RBFOX1: variants seen among roughly 807,000 people sequenced by gnomAD.
The protein encoded by RBFOX1 is RNA binding fox-1 homolog 1.
A neutral mutation model predicts 57.7 loss-of-function variants in RBFOX1; 8 were observed. That is an observed-to-expected ratio of 0.14 (90% CI 0.08 to 0.25). The LOEUF is 0.25. RBFOX1 is among the 10% of genes least tolerant of loss of function. RBFOX1 has a pLI of 1.00. For missense variants in RBFOX1, 611 were observed against 548.5 expected, an observed-to-expected ratio of 1.11 and a Z score of -1.14; for synonymous variants, 326 against 222.4, an observed-to-expected ratio of 1.47 and a Z score of -4.15.
At chr16:6,682,072 C>A (rs559048992) in intron 3 of RBFOX1, among the ~76,000 whole-genome samples, 1 of 152,132 alleles carries the variant, frequency 6.6e-6, no homozygotes, top group Non-Finnish European at 1.5e-5. Flanking sequence ...GTTTGTTTTG[C>A]CCAATAGAAC....
At chr16:5,379,397 A>C (rs2066073552) in intron 1 of RBFOX1, among the ~76,000 whole-genome samples, 1 of 150,012 alleles carries the variant, frequency 6.7e-6, no homozygotes, top group Admixed American at 6.6e-5. Flanking sequence ...TGTGAGTTAC[A>C]CTTGGGCCAT....
At chr16:7,332,985 A>G (rs1445465132) in intron 4 of RBFOX1, 4 of 1,613,310 alleles carry the variant, frequency 2.5e-6, no homozygotes, top group Non-Finnish European at 8.5e-7. Context: ...AGAGGGAATA[A>G]TAACTCTACG....
intron 2 of RBFOX1, among the ~76,000 whole-genome samples, chr16:6,416,319 A>C (rs1017410569): frequency 1.3e-5 from 2 of 152,218 alleles, no homozygotes; most frequent in Admixed American, 1.3e-4. Flanking sequence ...CCGACAGTTT[A>C]GATAGCTCAA....
At chr16:7,416,298 A>G (rs903283917) in intron 4 of RBFOX1, among the ~76,000 whole-genome samples, 5 of 152,212 alleles carry the variant, frequency 3.3e-5, no homozygotes, top group Admixed American at 6.5e-5. Flanking sequence ...CGGAATCCAG[A>G]GACTCTGAGC....
At chr16:7,652,549 A>T (rs2065296505) in intron 11 of RBFOX1, among the ~76,000 whole-genome samples, 1 of 152,214 alleles carries the variant, frequency 6.6e-6, no homozygotes, top group Non-Finnish European at 1.5e-5. Flanking sequence ...CGGGAATTAT[A>T]GGCATGCGCC....
intron 1 of RBFOX1, among the ~76,000 whole-genome samples, chr16:5,308,677 T>A (rs1359370339): frequency 6.6e-6 from 1 of 152,188 alleles, no homozygotes; most frequent in African/African-American, 2.4e-5. Flanking sequence ...AGTAGTAAGA[T>A]GACCTTTTTT....
rs139163652 is a variant in RBFOX1 at position 6,058,172 on chromosome 16, C to T, written c.-127+38180C>T. 2.1e-3 allele frequency among the ~76,000 whole-genome samples: 314 copies of T among 152,222 alleles called. 2 individuals are homozygous for T. The highest frequency in any genetic ancestry group is 7.4e-3 in the African/African-American group (306 of 41,542). On this transcript the variant is annotated intron_variant, in intron 1 of 15. Coordinates refer to ENST00000550418, the MANE Select transcript of RBFOX1 (RefSeq NM_018723.4). ...GGAATGGAGAAATGCAAGTAACATG[C>T]TTCTTTATCACAGAAATTCTCATCA...
At chr16:5,603,616 C>T (rs942957782), downstream of RBFOX1, among the ~76,000 whole-genome samples, 5 of 152,200 alleles carry the variant, frequency 3.3e-5, no homozygotes, top group African/African-American at 1.2e-4. Flanking sequence ...CCCCTCGATA[C>T]ATCAAATACA....
At chr16:7,214,200 A>G (rs2091642912) in intron 4 of RBFOX1, among the ~76,000 whole-genome samples, 1 of 152,154 alleles carries the variant, frequency 6.6e-6, no homozygotes, top group East Asian at 1.9e-4. Context: ...CATTTATCCT[A>G]GGATATGTCA....
At chr16:7,029,219 TAC>T (rs201845448) in intron 3 of RBFOX1, among the ~76,000 whole-genome samples, 31,965 of 64,100 alleles carry the variant, frequency 0.5, 7,831 homozygotes, top group African/African-American at 0.57. Flanking sequence ...CGTATATATA[TAC>T]ACACATATAT....
intron 3 of RBFOX1, among the ~76,000 whole-genome samples, chr16:6,781,076 T>C (rs1476004589): frequency 1.3e-5 from 2 of 152,186 alleles, no homozygotes; most frequent in African/African-American, 4.8e-5. Flanking sequence ...CCCACACCCA[T>C]GTCTGGAAGC....
intron 4 of RBFOX1, among the ~76,000 whole-genome samples, chr16:7,495,602 A>G (rs911977725): frequency 1.3e-5 from 2 of 152,030 alleles, no homozygotes; most frequent in Non-Finnish European, 2.9e-5. Flanking sequence ...ATGTTTGTTG[A>G]CTGTGTTTAT....
intron 4 of RBFOX1, among the ~76,000 whole-genome samples, chr16:7,488,150 T>C (rs1231705292): frequency 1.3e-5 from 2 of 152,084 alleles, no homozygotes; most frequent in Non-Finnish European, 2.9e-5. Flanking sequence ...CCCTGCGTGA[T>C]TGTGATTGAT....
chr16:7,289,708 G>C (rs1000947172), intron 4 of RBFOX1, among the ~76,000 whole-genome samples: 1 of 152,146 alleles, frequency 6.6e-6, no homozygotes, highest in African/African-American at 2.4e-5. Flanking sequence ...TATGTGTTGT[G>C]CACTTCCTAG....
rs71386523 is a variant in RBFOX1, at chr16:6,407,596, G to GAGAGAGAGAGAGAAC, written c.-64+90539_-64+90540insAGAGAGAGAGAGAAC. 2.8e-3 allele frequency among the ~76,000 whole-genome samples: 414 copies of GAGAGAGAGAGAGAAC among 146,188 alleles called. 8 individuals carry two copies. Among genetic ancestry groups the GAGAGAGAGAGAGAAC allele is most frequent in the African/African-American group, 7.5e-3 (284 of 38,098 alleles). On this transcript the variant is annotated intron_variant, in intron 2 of 15. Coordinates refer to ENST00000550418, the MANE Select transcript of RBFOX1 (RefSeq NM_018723.4). ...GAGAGAGAGAGAGAGAGAGAGAGAA[G>GAGAGAGAGAGAGAAC]TACATTCTATCCTAGGAAATGGGAA...
chr16:6,754,702 TG>T (rs958172395), intron 3 of RBFOX1, among the ~76,000 whole-genome samples: 1 of 151,708 alleles, frequency 6.6e-6, no homozygotes, highest in Non-Finnish European at 1.5e-5. Context: ...AATGGAATGT[TG>T]TTTTTTTTTT....
chr16:7,625,507 T>C (rs2142273837), intron 10 of RBFOX1, among the ~76,000 whole-genome samples: 3 of 152,326 alleles, frequency 2.0e-5, no homozygotes, highest in Admixed American at 2.0e-4. Context: ...GGCCCCAGAA[T>C]ACTCATTCCA....
At chr16:7,068,207 A>T (rs1021533190) in intron 4 of RBFOX1, among the ~76,000 whole-genome samples, 1 of 152,146 alleles carries the variant, frequency 6.6e-6, no homozygotes, top group Non-Finnish European at 1.5e-5. Context: ...GTACCATAGC[A>T]TACATAGATC....
intron 3 of RBFOX1, among the ~76,000 whole-genome samples, chr16:6,830,751 G>A (rs1280451257): frequency 6.6e-6 from 1 of 152,158 alleles, no homozygotes; most frequent in Non-Finnish European, 1.5e-5. Context: ...TTGCATTCTG[G>A]TAATTTTAGG....
Sources: gnomAD v4.1 joint callset for allele counts (sites outside exome capture counted in the v4.1 genomes callset) on GRCh38, gnomAD v4.1.1 for gene constraint, MANE v1.5 for transcripts, NCBI Gene and HGNC (gene_info 2026-07-23, HGNC 2026-07-21) for gene names.